RAB9B: variants seen among roughly 807,000 people sequenced by gnomAD.
The protein encoded by RAB9B is ras-related protein Rab-9B.
A neutral mutation model predicts 8.9 loss-of-function variants in RAB9B; 1 was observed. The observed-to-expected ratio is 0.11, with a 90% CI of 0.04 to 0.53. The LOEUF is 0.53. RAB9B is among the 20% of genes least tolerant of loss of function. RAB9B has a pLI of 0.93. For missense variants in RAB9B, 82 were observed against 152.9 expected (o/e 0.54, Z 2.45); for synonymous variants, 63 against 57.0 (o/e 1.10, Z -0.47).
At chrX:103,786,192 T>C in the RAB9B span, 1 of 1,128,874 alleles carries the variant, frequency 8.9e-7, no homozygotes, top group Non-Finnish European at 1.2e-6. Flanking sequence ...GTCTGAAGGG[T>C]GGGGCAGGGA....
chrX:103,810,469 A>G, the RAB9B span, among the ~76,000 whole-genome samples: 2 of 112,276 alleles, frequency 1.8e-5, no homozygotes, highest in Non-Finnish European at 3.8e-5. Flanking sequence ...GGGGTCCAGG[A>G]ATCTGCATTT....
the RAB9B span, chrX:103,780,091 T>A: frequency 8.8e-6 from 1 of 113,005 alleles, no homozygotes; most frequent in Non-Finnish European, 1.9e-5. Flanking sequence ...GATTAATCCC[T>A]CTTGCCTACG....
chrX:103,794,819 C>T, the RAB9B span, among the ~76,000 whole-genome samples: 2 of 112,249 alleles, frequency 1.8e-5, no homozygotes, highest in African/African-American at 3.2e-5. Context: ...TCCTCGTTCA[C>T]TCACTTGTTT....
chrX:103,827,148 A>G (rs980315179), intron 1 of RAB9B, 70 bp from the exon 2 acceptor site: 1 of 109,556 alleles, frequency 9.1e-6, no homozygotes, highest in Non-Finnish European at 1.9e-5. Context: ...CTCTATATAA[A>G]AATATATTCA....
downstream of RAB9B, among the ~76,000 whole-genome samples, chrX:103,820,865 G>A (rs1415818403): frequency 9.2e-6 from 1 of 109,156 alleles, no homozygotes; most frequent in Non-Finnish European, 1.9e-5. Flanking sequence ...CATGAGAATC[G>A]CTTGAGTCCG....
At position 103,825,095 on chromosome X, in the gene RAB9B, G is replaced by A; in HGVS notation, c.*84C>T. On this transcript the variant is annotated 3_prime_UTR_variant, in exon 3 of 3. Coordinates refer to ENST00000243298, the MANE Select transcript of RAB9B (RefSeq NM_016370.4). ...TTGTCTCTTACCCTCTTGTGTGCGT[G>A]TGTGTGCACTCTTAGAGGGGCACAG... 2.0e-6 allele frequency: 2 copies of A among 977,014 alleles called. No homozygotes were observed. Among genetic ancestry groups the A allele is most frequent in the East Asian group, 6.2e-5 (2 of 32,469 alleles). 80.5% of individuals were successfully genotyped at this position (977,014 alleles called of 1,213,427 possible). A position where few individuals can be genotyped will look rare whatever the true frequency, so the allele number is the denominator to read the frequency against.
the RAB9B span, among the ~76,000 whole-genome samples, chrX:103,814,929 T>C: frequency 9.0e-6 from 1 of 111,384 alleles, no homozygotes; most frequent in Admixed American, 9.5e-5. Context: ...GGTTCTGAAA[T>C]TGAGACAATA....
chrX:103,831,205 C>T (rs952861494), intron 1 of RAB9B, among the ~76,000 whole-genome samples: 1 of 110,467 alleles, frequency 9.1e-6, no homozygotes, highest in African/African-American at 3.3e-5. Context: ...AAATTCAACA[C>T]GGATGAGAAA....
chrX:103,808,846 CA>C, the RAB9B span, among the ~76,000 whole-genome samples: 3 of 113,080 alleles, frequency 2.7e-5, no homozygotes. Context: ...GCTTCTTGCC[CA>C]AGACCTGGCT....
rs1471472328 is a variant in RAB9B, at chrX:103,822,987, A to C, written c.*2192T>G. Reference sequence around the variant, plus strand: ...TGGACAGGATGCCTATGAATCCGATACCCATGTAATTTTTTTTTTTTTACT... The same window carrying C: ...TGGACAGGATGCCTATGAATCCGATCCCCATGTAATTTTTTTTTTTTTACT... On this transcript the variant is annotated 3_prime_UTR_variant, in exon 3 of 3. Coordinates refer to ENST00000243298, the MANE Select transcript of RAB9B (RefSeq NM_016370.4). 9.0e-6 allele frequency: 1 copy of C among 110,615 alleles called. No homozygotes were observed. The highest frequency in any genetic ancestry group is 1.9e-5 in the Non-Finnish European group (1 of 52,888). 9.1% of individuals were successfully genotyped at this position (110,615 alleles called of 1,213,427 possible).
downstream of RAB9B, among the ~76,000 whole-genome samples, chrX:103,821,328 C>T (rs1031473860): frequency 1.4e-4 from 14 of 100,683 alleles, no homozygotes; most frequent in Admixed American, 1.3e-3. Flanking sequence ...TTATAATCCT[C>T]AGAGATGGAA....
chrX:103,791,897 C>T, the RAB9B span: 1 of 112,204 alleles, frequency 8.9e-6, no homozygotes, highest in African/African-American at 3.2e-5. Context: ...ATCGTTCTTT[C>T]TAGCTAATGG....
chrX:103,812,804 T>C, the RAB9B span, among the ~76,000 whole-genome samples: 1 of 110,732 alleles, frequency 9.0e-6, no homozygotes, highest in Non-Finnish European at 1.9e-5. Context: ...CCTTTCCTTT[T>C]TTTGCATCTC....
At chrX:103,800,690 A>G in the RAB9B span, among the ~76,000 whole-genome samples, 1 of 111,917 alleles carries the variant, frequency 8.9e-6, no homozygotes, top group Non-Finnish European at 1.9e-5. Flanking sequence ...TACTCATTTT[A>G]ATGTATCTGC....
chrX:103,815,115 C>T, the RAB9B span, among the ~76,000 whole-genome samples: 2 of 112,084 alleles, frequency 1.8e-5, no homozygotes, highest in African/African-American at 6.5e-5. Flanking sequence ...GATACCAAAG[C>T]CTGGCAGAGA....
At chrX:103,781,406 G>C in the RAB9B span, 1 of 265,879 alleles carries the variant, frequency 3.8e-6, no homozygotes, top group African/African-American at 2.7e-5. Context: ...AGATTGATTA[G>C]ACTTGTTTTG....
At chrX:103,788,736 C>T in the RAB9B span, 1 of 418,518 alleles carries the variant, frequency 2.4e-6, no homozygotes, top group Non-Finnish European at 4.2e-6. Context: ...CAACCCTTCC[C>T]CTCTTAAAAG....
At chrX:103,792,779 T>A in the RAB9B span, among the ~76,000 whole-genome samples, 1 of 112,381 alleles carries the variant, frequency 8.9e-6, no homozygotes, top group Non-Finnish European at 1.9e-5. Flanking sequence ...TCTACTTTTA[T>A]AGTTGAAGAC....
the RAB9B span, among the ~76,000 whole-genome samples, chrX:103,781,805 T>C: frequency 2.7e-5 from 3 of 112,412 alleles, no homozygotes; most frequent in Admixed American, 9.4e-5. Context: ...ATGCCAACTC[T>C]CTCATCTCGC....
Sources: allele counts gnomAD v4.1 joint callset (sites outside exome capture counted in the v4.1 genomes callset), GRCh38; gene constraint gnomAD v4.1.1; transcripts MANE v1.5; gene names NCBI Gene and HGNC (gene_info 2026-07-23, HGNC 2026-07-21).